The following SCG5 variants were observed in gnomAD, a reference collection of about 807,000 sequenced individuals.
The protein encoded by SCG5 is neuroendocrine protein 7B2.
SCG5 carries 18 observed loss-of-function variants against 25.7 expected under a neutral mutation model. The observed-to-expected ratio is 0.70, with a 90% confidence interval of 0.48 to 1.04. The LOEUF (loss-of-function observed/expected upper bound fraction) is 1.04. SCG5 is among the 50% of genes least tolerant of loss of function. SCG5 has a pLI of 0.00. For synonymous variants in SCG5, 101 were observed against 91.7 expected, an observed-to-expected ratio of 1.10 and a Z score of -0.58; for missense variants, 206 against 259.8, an observed-to-expected ratio of 0.79 and a Z score of 1.42.
At chr15:32,644,294 A>G (rs7179711) in intron 2 of SCG5, among the ~76,000 whole-genome samples, 4,350 of 152,326 alleles carry the variant, frequency 0.029, 78 homozygotes, top group Middle Eastern at 0.051. Flanking sequence ...TTCAAAATGT[A>G]GAACCTACAG....
At chr15:32,656,566 T>C (rs556030745) in intron 2 of SCG5, among the ~76,000 whole-genome samples, 44 of 152,362 alleles carry the variant, frequency 2.9e-4, no homozygotes, top group African/African-American at 1.0e-3. Flanking sequence ...GGTTTAAATG[T>C]ATCTCCCCAT....
chr15:32,657,795 A>G (rs1387641834), intron 2 of SCG5, among the ~76,000 whole-genome samples: 1 of 152,174 alleles, frequency 6.6e-6, no homozygotes, highest in East Asian at 1.9e-4. Flanking sequence ...CTGAGTGCCT[A>G]CTACATGCCA....
chr15:32,661,079 A>G (rs2054209367), intron 2 of SCG5, among the ~76,000 whole-genome samples: 2 of 152,214 alleles, frequency 1.3e-5, no homozygotes, highest in African/African-American at 4.8e-5. Flanking sequence ...CACTTTATGT[A>G]TTGTATTTTG....
chr15:32,678,070 A>C (rs1364905392), intron 2 of SCG5, among the ~76,000 whole-genome samples: 1 of 152,250 alleles, frequency 6.6e-6, no homozygotes, highest in Non-Finnish European at 1.5e-5. Flanking sequence ...TGAAATAAAT[A>C]ACATGGATTA....
chr15:32,682,876 C>G (rs550348691), intron 3 of SCG5, among the ~76,000 whole-genome samples: 1 of 152,172 alleles, frequency 6.6e-6, no homozygotes, highest in Non-Finnish European at 1.5e-5. Flanking sequence ...GAGTCCATCT[C>G]AGCCTCAGAG....
intron 2 of SCG5, among the ~76,000 whole-genome samples, chr15:32,656,789 T>C (rs1232710574): frequency 6.6e-6 from 1 of 152,194 alleles, no homozygotes; most frequent in Admixed American, 6.5e-5. Context: ...AAGAGAACTG[T>C]CGAAGGCGGC....
intron 2 of SCG5, among the ~76,000 whole-genome samples, chr15:32,654,616 C>T (rs2054084412): frequency 6.6e-6 from 1 of 152,184 alleles, no homozygotes; most frequent in Non-Finnish European, 1.5e-5. Flanking sequence ...ATCCTCACTC[C>T]TGGGCTCATT....
chr15:32,689,879 TC>T (rs1440766165), intron 4 of SCG5, among the ~76,000 whole-genome samples: 2 of 150,890 alleles, frequency 1.3e-5, no homozygotes, highest in Middle Eastern at 3.2e-3. Context: ...TCTCGCTCTG[TC>T]CCCCAGGCTG....
chr15:32,644,566 A>T (rs2053914040), intron 2 of SCG5, among the ~76,000 whole-genome samples: 1 of 152,208 alleles, frequency 6.6e-6, no homozygotes, highest in Non-Finnish European at 1.5e-5. Flanking sequence ...TGATTTGTTT[A>T]TAAAGAGAAT....
At chr15:32,696,465 G>T (rs776954168) in intron 5 of SCG5, 49 bp from the exon 6 acceptor site, 1 of 1,306,598 alleles carries the variant, frequency 7.7e-7, no homozygotes, top group South Asian at 1.2e-5. Context: ...TGTATCTGAT[G>T]TTCACATATA....
chr15:32,685,132 A>G lies in SCG5; in HGVS notation c.489+463A>G, dbSNP rs1051033178. Among the ~76,000 whole-genome samples, 5 of 152,244 alleles carry G rather than the reference A, an allele frequency of 3.3e-5. No individual in the cohort carries two copies. The East Asian group carries it at 9.6e-4, about 29-fold the overall frequency. ...ACAGATATATATAATTCTGCTTTAT[A>G]GAAAGAGAAAAAATATTCCGTGATG... is the stretch of plus-strand genomic sequence containing the variant. On this transcript the variant is annotated intron_variant, in intron 4 of 5. Transcript: ENST00000300175.
intron 2 of SCG5, among the ~76,000 whole-genome samples, chr15:32,671,208 GCT>G (rs1224691454): frequency 6.6e-6 from 1 of 152,188 alleles, no homozygotes; most frequent in African/African-American, 2.4e-5. Context: ...TATAAAAAGT[GCT>G]CTCTTTCTGT....
chr15:32,646,147 A>T (rs1007844202), intron 2 of SCG5, among the ~76,000 whole-genome samples: 2 of 152,250 alleles, frequency 1.3e-5, no homozygotes, highest in African/African-American at 4.8e-5. Context: ...CCCTATCAGT[A>T]TCTGTGGAAG....
chr15:32,691,017 G>A (rs956500278), intron 4 of SCG5, among the ~76,000 whole-genome samples: 4 of 151,732 alleles, frequency 2.6e-5, no homozygotes, highest in African/African-American at 4.8e-5. Flanking sequence ...AATCTGTTGA[G>A]CATGTGTCTG....
In SCG5 at chr15:32,676,369, C is replaced by T. The variant is rs1297787748; in HGVS notation, c.227-3397C>T. ...GGCCTTCCATAAGAGAAACTGTTTG[C>T]TTCCTTCATTAATTACTAATGGAGC... On this transcript the variant is annotated intron_variant, in intron 2 of 5. Transcript: ENST00000300175. Among the ~76,000 whole-genome samples, 3 of 152,312 alleles carry T rather than the reference C, an allele frequency of 2.0e-5. No individual in the cohort carries two copies. In the East Asian group the frequency reaches 5.8e-4, roughly 29 times the overall value.
chr15:32,685,267 G>T (rs1446544234), intron 4 of SCG5, among the ~76,000 whole-genome samples: 1 of 152,224 alleles, frequency 6.6e-6, no homozygotes, highest in African/African-American at 2.4e-5. Flanking sequence ...GCATCAGTGT[G>T]CTAAAAACAA....
intron 2 of SCG5, among the ~76,000 whole-genome samples, chr15:32,662,974 T>G (rs1371576211): frequency 6.8e-6 from 1 of 147,374 alleles, no homozygotes; most frequent in African/African-American, 2.5e-5. Flanking sequence ...CATGAGTTGG[T>G]GCACGTGTGT....
At chr15:32,675,701 ACTT>A (rs1201233518) in intron 2 of SCG5, among the ~76,000 whole-genome samples, 1 of 152,186 alleles carries the variant, frequency 6.6e-6, no homozygotes, top group Non-Finnish European at 1.5e-5. Context: ...TGGGCTAGAT[ACTT>A]CTCCTCTACA....
intron 2 of SCG5, among the ~76,000 whole-genome samples, chr15:32,674,939 CCTT>C (rs1429017181): frequency 6.6e-6 from 1 of 152,190 alleles, no homozygotes; most frequent in African/African-American, 2.4e-5. Flanking sequence ...GACCAACTGT[CCTT>C]CTTTCTCATT....
Sources: gnomAD v4.1 joint callset for allele counts (sites outside exome capture counted in the v4.1 genomes callset) on GRCh38, gnomAD v4.1.1 for gene constraint, MANE v1.5 for transcripts, NCBI Gene and HGNC (gene_info 2026-07-23, HGNC 2026-07-21) for gene names.